CTNNA3: variants seen among roughly 807,000 people sequenced by gnomAD.
CTNNA3 encodes the protein catenin alpha-3.
A neutral mutation model predicts 95.7 loss-of-function variants in CTNNA3; 76 were observed. The ratio of observed to expected loss-of-function variants is 0.79; its 90% CI spans 0.66 to 0.96. The LOEUF is 0.96. CTNNA3 is among the 40% of genes least tolerant of loss of function. CTNNA3 has a pLI of 0.00. For missense variants in CTNNA3, 1,191 were observed against 1,089.8 expected, an observed-to-expected ratio of 1.09 and a Z score of -1.31; for synonymous variants, 431 against 374.4, an observed-to-expected ratio of 1.15 and a Z score of -1.74.
At chr10:67,579,877 C>A (rs1239692840) in intron 3 of CTNNA3, among the ~76,000 whole-genome samples, 4 of 152,184 alleles carry the variant, frequency 2.6e-5, no homozygotes, top group Non-Finnish European at 5.9e-5. Context: ...TGTTCATATC[C>A]TTCGCCCATT....
chr10:66,927,660 G>T lies in CTNNA3; in HGVS notation c.1048-152136C>A. 6.2e-7 allele frequency: 1 copy of T among 1,614,160 alleles called. No individual in the cohort carries two copies. The highest frequency in any genetic ancestry group is 1.1e-5 in the South Asian group (1 of 91,084). On this transcript the variant is annotated intron_variant, in intron 7 of 17. Transcript: ENST00000433211. This position sits in a 1 kb window ranked among gnomAD's most constrained non-coding sequence, Gnocchi z 4.7. Reference sequence around the variant, plus strand: ...AAATCAGTGTCATAGGACAGACCATGTCCTGGACCTGGAGCTCCTTACAAA... The same window carrying T: ...AAATCAGTGTCATAGGACAGACCATTTCCTGGACCTGGAGCTCCTTACAAA...
rs557173576 is a variant in CTNNA3 at position 66,140,886 on chromosome 10, T to G, written c.1885-37637A>C. Among the ~76,000 whole-genome samples the G allele has an allele frequency of 3.3e-5, 5 of 152,272 alleles. No homozygotes were observed. In the East Asian group the frequency reaches 5.8e-4, roughly 18 times the overall value. ...GTTTTTATTTAAGAGATTTTGTCAT[T>G]GTTGTTGCTGTTGGTTGTGATGATA... is the stretch of plus-strand genomic sequence containing the variant. On this transcript the variant is annotated intron_variant, in intron 13 of 17. Coordinates refer to ENST00000433211, the MANE Select transcript of CTNNA3 (RefSeq NM_013266.4).
At chr10:66,374,962 C>T (rs1249943834) in intron 12 of CTNNA3, among the ~76,000 whole-genome samples, 1 of 151,926 alleles carries the variant, frequency 6.6e-6, no homozygotes, top group African/African-American at 2.4e-5. Flanking sequence ...TCATCAAGAG[C>T]ATATACTTGT....
chr10:67,055,198 A>G (rs941949869), intron 7 of CTNNA3, among the ~76,000 whole-genome samples: 3 of 152,158 alleles, frequency 2.0e-5, no homozygotes, highest in African/African-American at 7.2e-5. Flanking sequence ...AACTTTCCAC[A>G]TAAAATGTGG....
Position 66,969,535 on chromosome 10 carries a change from T to C in CTNNA3, c.1048-194011A>G, listed in dbSNP as rs1172964409. Among the ~76,000 whole-genome samples the C allele has an allele frequency of 2.0e-5, 3 of 152,146 alleles. 1 individual carries two copies. Among genetic ancestry groups the C allele is most frequent in the African/African-American group, 4.8e-5 (2 of 41,410 alleles). On this transcript the variant is annotated intron_variant, in intron 7 of 17. Coordinates refer to ENST00000433211, the MANE Select transcript of CTNNA3 (RefSeq NM_013266.4). ...TCGGGATACATTTTTATATGCCAAA[T>C]TGCTGCATCAAAAGGACAGATTTAG...
intron 9 of CTNNA3, among the ~76,000 whole-genome samples, chr10:66,692,160 A>G (rs1019384464): frequency 2.0e-5 from 3 of 152,088 alleles, no homozygotes; most frequent in African/African-American, 4.8e-5. Context: ...TGATCAAACT[A>G]CTCCGAGCTA....
At chr10:65,999,549 A>T (rs972220134) in intron 15 of CTNNA3, among the ~76,000 whole-genome samples, 1 of 152,186 alleles carries the variant, frequency 6.6e-6, no homozygotes, top group Non-Finnish European at 1.5e-5. Flanking sequence ...TCTCTTCCTC[A>T]TGTTTTTAAT....
intron 5 of CTNNA3, among the ~76,000 whole-genome samples, chr10:67,479,021 CACA>C (rs1848122192): frequency 6.6e-6 from 1 of 152,062 alleles, no homozygotes; most frequent in African/African-American, 2.4e-5. Context: ...AAGGTTATTA[CACA>C]ACGATAAAAG....
intron 3 of CTNNA3, among the ~76,000 whole-genome samples, chr10:67,555,409 T>C (rs1479603498): frequency 1.3e-5 from 2 of 152,220 alleles, no homozygotes; most frequent in African/African-American, 4.8e-5. Flanking sequence ...TTCCATTTGT[T>C]TGAGTCCTCT....
In CTNNA3 at chr10:66,751,041, G is replaced by A. The variant is rs141751702; in HGVS notation, c.1281+15223C>T. ...TCCCAGCACTTTGGGAGGCCAAGGC[G>A]GGCGGATCACAAGGTCAGGAGTTCA... On this transcript the variant is annotated intron_variant, in intron 9 of 17. Transcript: ENST00000433211. 3.5e-3 allele frequency among the ~76,000 whole-genome samples: 525 copies of A among 152,158 alleles called. 2 individuals carry two copies. The highest frequency in any genetic ancestry group is 0.012 in the African/African-American group (501 of 41,510).
At chr10:67,234,185 C>A (rs946637542) in intron 5 of CTNNA3, among the ~76,000 whole-genome samples, 12 of 152,254 alleles carry the variant, frequency 7.9e-5, no homozygotes, top group African/African-American at 2.6e-4. Flanking sequence ...CATCCTGATA[C>A]CAAAGCCGGG....
At chr10:67,317,903 C>T (rs1448029094) in intron 5 of CTNNA3, among the ~76,000 whole-genome samples, 5 of 75,868 alleles carry the variant, frequency 6.6e-5, no homozygotes, top group African/African-American at 1.3e-4. Context: ...TTGTGAAAAA[C>T]CACAGTTGAA....
intron 11 of CTNNA3, among the ~76,000 whole-genome samples, chr10:66,437,480 G>A (rs1453484389): frequency 1.3e-5 from 2 of 151,794 alleles, no homozygotes; most frequent in Non-Finnish European, 2.9e-5. Flanking sequence ...GATGGATTTG[G>A]CTATTGATAC....
At chr10:66,373,358 A>G (rs1356359396) in intron 12 of CTNNA3, among the ~76,000 whole-genome samples, 2 of 152,068 alleles carry the variant, frequency 1.3e-5, no homozygotes, top group East Asian at 3.9e-4. Context: ...TTGGACAGAA[A>G]ATAGATTTTT....
intron 14 of CTNNA3, among the ~76,000 whole-genome samples, chr10:66,088,764 G>A (rs573633872): frequency 4.3e-4 from 65 of 152,022 alleles, no homozygotes; most frequent in African/African-American, 1.5e-3. Flanking sequence ...AATGTTATCC[G>A]AATATAGTAT....
chr10:66,681,938 CA>C (rs1367983475), intron 9 of CTNNA3, among the ~76,000 whole-genome samples: 1 of 152,006 alleles, frequency 6.6e-6, no homozygotes, highest in Non-Finnish European at 1.5e-5. Flanking sequence ...GTGTTTTGAT[CA>C]CAGTCAAAAT....
chr10:66,989,648 A>G (rs1014310197), intron 7 of CTNNA3, among the ~76,000 whole-genome samples: 1 of 152,128 alleles, frequency 6.6e-6, no homozygotes, highest in Non-Finnish European at 1.5e-5. Flanking sequence ...ATATGAGTGA[A>G]TAGCTTACCT....
chr10:66,849,199 A>G (rs1843389004), intron 7 of CTNNA3, among the ~76,000 whole-genome samples: 1 of 152,178 alleles, frequency 6.6e-6, no homozygotes, highest in African/African-American at 2.4e-5. Flanking sequence ...TTCTTTTGTA[A>G]TGCTTTGGTG....
intron 7 of CTNNA3, among the ~76,000 whole-genome samples, chr10:66,955,955 GTCATGGAGTAGTGC>G (rs1444524346): frequency 1.3e-5 from 2 of 152,058 alleles, no homozygotes; most frequent in African/African-American, 4.8e-5. Context: ...AGTCATTCTG[GTCATGGAGTAGTGC>G]TCTGCCAGAA....
Sources: allele counts gnomAD v4.1 joint callset (sites outside exome capture counted in the v4.1 genomes callset), GRCh38; gene constraint gnomAD v4.1.1; non-coding constraint Gnocchi (gnomAD v3.1); transcripts MANE v1.5; gene names NCBI Gene and HGNC (gene_info 2026-07-23, HGNC 2026-07-21).